SLC1A1: variants seen among roughly 807,000 people sequenced by gnomAD.
SLC1A1 encodes excitatory amino acid transporter 3.
In SLC1A1, 43 loss-of-function variants were observed where a neutral mutation model predicts 53.3. That is an observed-to-expected ratio of 0.81 (90% confidence interval 0.63 to 1.04). SLC1A1 has a LOEUF of 1.04. Ranked by LOEUF, SLC1A1 falls within the 50% of genes least tolerant of loss-of-function variation. The pLI is 0.00. For synonymous variants in SLC1A1, 307 were observed against 243.2 expected (o/e 1.26, Z -2.44); for missense variants, 748 against 664.9 (o/e 1.12, Z -1.37).
chr9:4,554,591 G>C (rs1468731458), intron 2 of SLC1A1, among the ~76,000 whole-genome samples: 2 of 152,198 alleles, frequency 1.3e-5, no homozygotes, highest in Non-Finnish European at 2.9e-5. Flanking sequence ...CAAAGGCCTT[G>C]GGGTGGGAAG....
At chr9:4,546,057 G>T (rs942286184) in intron 2 of SLC1A1, among the ~76,000 whole-genome samples, 2 of 152,152 alleles carry the variant, frequency 1.3e-5, no homozygotes, top group Non-Finnish European at 2.9e-5. Context: ...GGACGTTGGT[G>T]GGGGCACGGG....
intron 1 of SLC1A1, among the ~76,000 whole-genome samples, chr9:4,534,457 T>A (rs1438066226): frequency 1.3e-5 from 2 of 151,784 alleles, no homozygotes; most frequent in Non-Finnish European, 2.9e-5. Flanking sequence ...AACCAGAAAA[T>A]CTAGAAGAAA....
At chr9:4,515,507 G>A (rs1385298141) in intron 1 of SLC1A1, among the ~76,000 whole-genome samples, 1 of 152,156 alleles carries the variant, frequency 6.6e-6, no homozygotes, top group African/African-American at 2.4e-5. Context: ...ACAGCATGAG[G>A]CAACAGATAG....
Position 4,568,872 on chromosome 9 carries a change from A to C in SLC1A1, c.582+1105A>C, listed in dbSNP as rs577319843. On this transcript the variant is annotated intron_variant, in intron 6 of 11. Transcript: ENST00000262352. ...GTGAGGTCAGTATTAATAAATTAACAATCTATATGAAACAAGGTGTCTTTA... is the reference window on the plus strand; with the variant it reads ...GTGAGGTCAGTATTAATAAATTAACCATCTATATGAAACAAGGTGTCTTTA... Among the ~76,000 whole-genome samples the C allele has an allele frequency of 2.0e-5, 3 of 152,272 alleles. No individual in the cohort carries two copies. In the East Asian group the frequency reaches 5.8e-4, roughly 29 times the overall value.
In SLC1A1 at chr9:4,502,389, G is replaced by GAAAAAAA. The variant is rs775499017; in HGVS notation, c.91+11638_91+11644dup. Among the ~76,000 whole-genome samples the GAAAAAAA allele has an allele frequency of 2.1e-3, 119 of 56,486 alleles. 17 individuals are homozygous for GAAAAAAA. Among genetic ancestry groups the GAAAAAAA allele is most frequent in the Admixed American group, 3.1e-3 (10 of 3,220 alleles). 37.1% of individuals were successfully genotyped at this position (56,486 alleles called of 152,430 possible). ...GTGATAGAATGAGACCCTGTCTCCA[G>GAAAAAAA]AAAAAAAAAAAAAAAAAAAAAAAAA... On this transcript the variant is annotated intron_variant, in intron 1 of 11. Coordinates refer to ENST00000262352, the MANE Select transcript of SLC1A1 (RefSeq NM_004170.6).
chr9:4,539,006 T>A (rs1816790698), intron 1 of SLC1A1, among the ~76,000 whole-genome samples: 1 of 152,248 alleles, frequency 6.6e-6, no homozygotes, highest in African/African-American at 2.4e-5. Context: ...TGAGATATGT[T>A]TTAGCAATAA....
chr9:4,564,440 C>T lies in SLC1A1; in HGVS notation c.422C>T (p.Ala141Val), dbSNP rs1819289372. The change falls in exon 4 of 12, where the codon GCC becomes GTC. Residue 141 changes from alanine (A) to valine (V), a missense_variant. Coordinates refer to ENST00000262352, the MANE Select transcript of SLC1A1 (RefSeq NM_004170.6). ...ACCCCTGAAGTCAGTACGGTGGATGCCATGTTAGATCTCATCAGGTGAGTG... is the reference window on the plus strand; with the variant it reads ...ACCCCTGAAGTCAGTACGGTGGATGTCATGTTAGATCTCATCAGGTGAGTG... The part of the protein sequence containing the change: ...GSTPEVSTVD[A>V]MLDLIRNMFP... 1 of 1,610,184 alleles carries T rather than the reference C, an allele frequency of 6.2e-7. No homozygotes were observed. Among genetic ancestry groups the T allele is most frequent in the Non-Finnish European group, 8.5e-7 (1 of 1,176,926 alleles).
At position 4,526,577 on chromosome 9, in the gene SLC1A1, A is replaced by T. The variant is rs533145384; in HGVS notation, c.92-17990A>T. On this transcript the variant is annotated intron_variant, in intron 1 of 11. Transcript: ENST00000262352. ...CATAATGTTTTATTTGGAAAAAAAG[A>T]TCTGTGGAGGATTTGTTCAGTCTGC... 1.2e-4 allele frequency among the ~76,000 whole-genome samples: 18 copies of T among 152,302 alleles called. No individual in the cohort carries two copies. In the East Asian group the frequency reaches 3.3e-3, roughly 28 times the overall value.
At chr9:4,494,877 C>A (rs1820359335) in intron 1 of SLC1A1, among the ~76,000 whole-genome samples, 1 of 152,104 alleles carries the variant, frequency 6.6e-6, no homozygotes, top group Non-Finnish European at 1.5e-5. Flanking sequence ...CCAGTTATGC[C>A]ATTACTTCTG....
At chr9:4,538,911 T>G (rs1816782975) in intron 1 of SLC1A1, among the ~76,000 whole-genome samples, 1 of 152,246 alleles carries the variant, frequency 6.6e-6, no homozygotes, top group African/African-American at 2.4e-5. Context: ...TTACTCATCA[T>G]CAACGTTCAT....
At chr9:4,495,624 T>C (rs1343508255) in intron 1 of SLC1A1, among the ~76,000 whole-genome samples, 1 of 151,972 alleles carries the variant, frequency 6.6e-6, no homozygotes, top group Non-Finnish European at 1.5e-5. Context: ...GGGAGCATCC[T>C]AGTTTGTGTG....
chr9:4,561,606 T>C, intron 3 of SLC1A1, 65 bp downstream of exon 3: 1 of 1,012,588 alleles, frequency 9.9e-7, no homozygotes, highest in Non-Finnish European at 1.6e-6. Context: ...GAAAAGTAGT[T>C]GGTGGCCAGA....
chr9:4,522,209 G>A (rs193013403), intron 1 of SLC1A1, among the ~76,000 whole-genome samples: 7 of 151,520 alleles, frequency 4.6e-5, no homozygotes, highest in African/African-American at 1.2e-4. Context: ...CCACCACCAC[G>A]CCCGGCTAAT....
At chr9:4,495,938 T>A (rs954076292) in intron 1 of SLC1A1, among the ~76,000 whole-genome samples, 3 of 151,990 alleles carry the variant, frequency 2.0e-5, no homozygotes, top group Non-Finnish European at 2.9e-5. Context: ...CGTGTTGAGT[T>A]TGAGGAGCCA....
intron 9 of SLC1A1, 21 bp from the exon 10 acceptor site, chr9:4,576,548 C>G (rs372540843): frequency 6.2e-7 from 1 of 1,608,232 alleles, no homozygotes; most frequent in Non-Finnish European, 8.5e-7. Context: ...ACATAAGTTC[C>G]TTTCTATTTT....
chr9:4,542,476 A>G (rs1012813300), intron 1 of SLC1A1, among the ~76,000 whole-genome samples: 3 of 152,228 alleles, frequency 2.0e-5, no homozygotes, highest in Admixed American at 1.3e-4. Flanking sequence ...CATTAGTAAT[A>G]TAAGCCCTGA....
intron 6 of SLC1A1, among the ~76,000 whole-genome samples, chr9:4,569,184 A>C (rs911340777): frequency 1.8e-4 from 28 of 152,228 alleles, no homozygotes; most frequent in African/African-American, 6.8e-4. Flanking sequence ...CATGCAATGC[A>C]GGCCCACAAT....
intron 10 of SLC1A1, among the ~76,000 whole-genome samples, chr9:4,578,822 C>G (rs1258993437): frequency 6.6e-6 from 1 of 152,282 alleles, no homozygotes; most frequent in East Asian, 1.9e-4. Context: ...GCAGAAAGTT[C>G]TTTTGGACAG....
At chr9:4,495,922 G>A (rs1293343687) in intron 1 of SLC1A1, among the ~76,000 whole-genome samples, 1 of 152,156 alleles carries the variant, frequency 6.6e-6, no homozygotes, top group East Asian at 1.9e-4. Flanking sequence ...CATGTTCCAC[G>A]GTGGACGTGT....
Sources: gnomAD v4.1 joint callset for allele counts (sites outside exome capture counted in the v4.1 genomes callset) on GRCh38, gnomAD v4.1.1 for gene constraint, MANE v1.5 for transcripts, NCBI Gene and HGNC (gene_info 2026-07-23, HGNC 2026-07-21) for gene names.